Variants in ZNF609 observed in about 807,000 individuals in gnomAD.
ZNF609 encodes zinc finger protein 609.
Under a neutral mutation model 109.5 loss-of-function variants are expected in ZNF609, and 11 were observed. The observed-to-expected ratio is 0.10, with a 90% CI of 0.06 to 0.17. The LOEUF is 0.17. Among genes scored for constraint, ZNF609 ranks in the 10% least tolerant of loss-of-function variants. The pLI is 1.00. For synonymous variants in ZNF609, 646 were observed against 662.0 expected (o/e 0.98, Z 0.37); for missense variants, 1,559 against 1,772.4 (o/e 0.88, Z 2.16).
intron 1 of ZNF609, among the ~76,000 whole-genome samples, chr15:64,479,209 C>G (rs1419941513): frequency 6.7e-6 from 1 of 149,820 alleles, no homozygotes; most frequent in Admixed American, 6.7e-5. Flanking sequence ...ATAACAAGGT[C>G]ACATTTGGGT....
rs767735310 is a variant in ZNF609, at chr15:64,622,985, C to G, written c.906C>G (p.Cys302Trp). 1.2e-6 allele frequency: 2 copies of G among 1,614,220 alleles called. No homozygotes were observed. The highest frequency in any genetic ancestry group is 1.7e-6 in the Non-Finnish European group (2 of 1,180,032). ...CDVALATEPE[C>W]LGPCEPGTSV... ...TGGCTCTGGCCACAGAGCCTGAGTGCTTGGGCCCCTGTGAACCTGGAACTA... is the reference window on the plus strand; with the variant it reads ...TGGCTCTGGCCACAGAGCCTGAGTGGTTGGGCCCCTGTGAACCTGGAACTA... Residue 302 changes from cysteine to tryptophan, a missense_variant, in exon 3 of 10, where the codon TGC becomes TGG. Around this residue, in one of 4 missense-constraint regions of ZNF609, gnomAD observed 291 missense variants for 317.8 expected, o/e 0.92. Transcript: ENST00000326648.
chr15:64,562,718 C>T (rs1432983590), intron 2 of ZNF609, among the ~76,000 whole-genome samples: 4 of 137,798 alleles, frequency 2.9e-5, no homozygotes, highest in African/African-American at 1.0e-4. Context: ...AACTATAGCC[C>T]GAGTTTAAAG....
At position 64,609,064 on chromosome 15, in the gene ZNF609, TTTTCTTTCTTTCTTTCTTTCTTTC is replaced by T. The variant is rs3057833; in HGVS notation, c.748-13719_748-13696del. On this transcript the variant is annotated intron_variant, in intron 2 of 9. Coordinates refer to ENST00000326648, the MANE Select transcript of ZNF609 (RefSeq NM_015042.2). ...GTTACTTGCATGTTTTAGTTTTAAT[TTTTCTTTCTTTCTTTCTTTCTTTC>T]TTTCTTTCTTTCTTTCTTTCTTTCT... Among the ~76,000 whole-genome samples, 61 of 119,134 alleles carry T rather than the reference TTTTCTTTCTTTCTTTCTTTCTTTC, an allele frequency of 5.1e-4. 1 individual carries two copies. The South Asian group carries it at 0.013, about 26-fold the overall frequency. The allele number at this position is 119,134 out of a possible 152,430, so 78.2% of individuals were successfully genotyped here.
rs529124009 is a variant in ZNF609 at position 64,507,507 on chromosome 15, C to T, written c.747+7341C>T. Among the ~76,000 whole-genome samples, 16 of 152,336 alleles carry T rather than the reference C, an allele frequency of 1.1e-4. No individual in the cohort carries two copies. In the South Asian group the frequency reaches 3.1e-3, roughly 30 times the overall value. ...CTGTGTTCAGAGGCCTTGGAAATTA[C>T]ACTGTTCATTTCCTTATCATCCCCT... On this transcript the variant is annotated intron_variant, in intron 2 of 9. Transcript: ENST00000326648.
chr15:64,672,224 G>T (rs866659203), intron 4 of ZNF609, among the ~76,000 whole-genome samples: 1 of 149,700 alleles, frequency 6.7e-6, no homozygotes, highest in African/African-American at 2.4e-5. Flanking sequence ...GTTTTAGCCA[G>T]GATGGTCTCG....
chr15:64,629,194 G>C (rs1416902559), intron 3 of ZNF609, among the ~76,000 whole-genome samples: 1 of 152,154 alleles, frequency 6.6e-6, no homozygotes, highest in African/African-American at 2.4e-5. Context: ...GATTCAGGAT[G>C]CTGAAATATC....
chr15:64,567,741 G>A (rs571318353), intron 2 of ZNF609, among the ~76,000 whole-genome samples: 60 of 151,044 alleles, frequency 4.0e-4, no homozygotes, highest in Non-Finnish European at 8.3e-4. Context: ...GGCTCACTGC[G>A]ACCTCTGTCT....
chr15:64,511,961 C>A (rs886132888), intron 2 of ZNF609, among the ~76,000 whole-genome samples: 19 of 152,014 alleles, frequency 1.2e-4, no homozygotes, highest in African/African-American at 4.3e-4. Context: ...GATCCAACCA[C>A]CTCAGCCTCC....
chr15:64,480,315 C>T (rs1893234400), intron 1 of ZNF609, among the ~76,000 whole-genome samples: 2 of 152,106 alleles, frequency 1.3e-5, no homozygotes, highest in South Asian at 2.1e-4. Flanking sequence ...AGGTGGATCA[C>T]CTGAGGTCAG....
At chr15:64,638,327 G>A (rs974325333) in intron 3 of ZNF609, among the ~76,000 whole-genome samples, 3 of 151,466 alleles carry the variant, frequency 2.0e-5, no homozygotes, top group Admixed American at 6.6e-5. Flanking sequence ...TTGTTATCTA[G>A]TAGTATAAGT....
chr15:64,573,350 T>C (rs58927586), intron 2 of ZNF609, among the ~76,000 whole-genome samples: 4,302 of 97,218 alleles, frequency 0.044, 279 homozygotes, highest in African/African-American at 0.15. Context: ...AACTTTCTTT[T>C]TTTTTTTTTT....
chr15:64,672,732 G>A (rs2141013318), intron 4 of ZNF609, among the ~76,000 whole-genome samples: 1 of 151,494 alleles, frequency 6.6e-6, no homozygotes, highest in South Asian at 2.1e-4. Context: ...TTGGGAGGCC[G>A]AGGCGGGTGG....
chr15:64,577,431 A>G (rs1225697377), intron 2 of ZNF609, among the ~76,000 whole-genome samples: 4 of 23,800 alleles, frequency 1.7e-4, no homozygotes, highest in African/African-American at 2.3e-4. Context: ...ATATATACAC[A>G]TATATGTATA....
chr15:64,562,356 C>T (rs916347079), intron 2 of ZNF609, among the ~76,000 whole-genome samples: 2 of 152,182 alleles, frequency 1.3e-5, no homozygotes, highest in Admixed American at 1.3e-4. Context: ...ATAGCCTTGG[C>T]ATTTGAAGAA....
intron 2 of ZNF609, among the ~76,000 whole-genome samples, chr15:64,518,332 G>A (rs1283568972): frequency 6.6e-6 from 1 of 152,182 alleles, no homozygotes; most frequent in African/African-American, 2.4e-5. Flanking sequence ...TGCCAGGTGA[G>A]AGAATAGCAT....
chr15:64,493,801 T>G (rs1331523771), intron 1 of ZNF609, among the ~76,000 whole-genome samples: 1 of 152,174 alleles, frequency 6.6e-6, no homozygotes, highest in Non-Finnish European at 1.5e-5. Flanking sequence ...AAGCAAGAGG[T>G]CAGTGCTTTT....
At chr15:64,616,240 C>T (rs991773782) in intron 2 of ZNF609, among the ~76,000 whole-genome samples, 7 of 151,968 alleles carry the variant, frequency 4.6e-5, no homozygotes, top group African/African-American at 9.7e-5. Context: ...GCAATCCTCC[C>T]GCCTTGGCCT....
At chr15:64,548,241 A>G (rs76194867) in intron 2 of ZNF609, among the ~76,000 whole-genome samples, 2,465 of 152,366 alleles carry the variant, frequency 0.016, 26 homozygotes, top group Middle Eastern at 0.027. Flanking sequence ...ACCAAGTTGC[A>G]TAATTTCTCA....
chr15:64,538,635 C>T (rs1451100330), intron 2 of ZNF609, among the ~76,000 whole-genome samples: 2 of 152,154 alleles, frequency 1.3e-5, no homozygotes, highest in Non-Finnish European at 2.9e-5. Context: ...CAACCTCCGC[C>T]TCCTGGGTTC....
Sources: gnomAD v4.1 joint callset for allele counts (sites outside exome capture counted in the v4.1 genomes callset) on GRCh38, gnomAD v4.1.1 for gene constraint, gnomAD v4.1.1 regional missense constraint, MANE v1.5 for transcripts, NCBI Gene and HGNC (gene_info 2026-07-23, HGNC 2026-07-21) for gene names.